The following FGF14 variants were observed in gnomAD, a reference collection of about 807,000 sequenced individuals.
FGF14 encodes the protein fibroblast growth factor homologous factor 4.
FGF14 carries 5 observed loss-of-function variants against 25.5 expected under a neutral mutation model. That is an observed-to-expected ratio of 0.20 (90% CI 0.10 to 0.41). FGF14 has a LOEUF of 0.41. Among genes scored for constraint, FGF14 ranks in the 10% least tolerant of loss-of-function variants. The pLI is 1.00. For missense variants in FGF14, 222 were observed against 320.1 expected (o/e 0.69, Z 2.34); for synonymous variants, 138 against 118.3 (o/e 1.17, Z -1.08).
At chr13:101,786,765 C>T (rs1369529592) in intron 3 of FGF14, among the ~76,000 whole-genome samples, 1 of 152,170 alleles carries the variant, frequency 6.6e-6, no homozygotes, top group South Asian at 2.1e-4. Flanking sequence ...CAGAATTCAA[C>T]CCATAAAGCT....
intron 1 of FGF14, among the ~76,000 whole-genome samples, chr13:102,121,736 C>T (rs2045737237): frequency 6.6e-6 from 1 of 152,072 alleles, no homozygotes; most frequent in Non-Finnish European, 1.5e-5. Flanking sequence ...AAATTGAGGA[C>T]GGGAATGTCA....
At chr13:101,954,804 A>G (rs141863337) in intron 1 of FGF14, among the ~76,000 whole-genome samples, 1 of 152,350 alleles carries the variant, frequency 6.6e-6, no homozygotes, top group East Asian at 1.9e-4. Flanking sequence ...AAGTTCTAGC[A>G]GCTATGAGAA....
intron 1 of FGF14, chr13:102,366,369 GAATTAT>G (rs1018319331): frequency 6.6e-6 from 1 of 152,118 alleles, no homozygotes; most frequent in African/African-American, 2.4e-5. Flanking sequence ...TCAAGATGCT[GAATTAT>G]AATATTCCTT....
At chr13:102,047,286 A>G (rs1324662219) in intron 1 of FGF14, among the ~76,000 whole-genome samples, 1 of 152,152 alleles carries the variant, frequency 6.6e-6, no homozygotes, top group African/African-American at 2.4e-5. Flanking sequence ...ACACATACAT[A>G]CATCTTGGCA....
At chr13:102,158,601 C>T (rs1314363955) in intron 1 of FGF14, among the ~76,000 whole-genome samples, 3 of 151,550 alleles carry the variant, frequency 2.0e-5, no homozygotes, top group Non-Finnish European at 2.9e-5. Context: ...AGCACACCAA[C>T]GTGGCACATG....
chr13:101,824,737 G>A (rs552049781), intron 3 of FGF14, among the ~76,000 whole-genome samples: 14 of 152,248 alleles, frequency 9.2e-5, no homozygotes, highest in African/African-American at 3.4e-4. Context: ...AACCGACCAC[G>A]TGATTTGAGG....
rs147454305 is a variant in FGF14 at position 102,008,708 on chromosome 13, T to C, written c.209-133412A>G. ...ATATGAATATGGATGTAAATGTTCATGTTTTCCAGGATGTGAGCAGCTGTT... is the reference window on the plus strand; with the variant it reads ...ATATGAATATGGATGTAAATGTTCACGTTTTCCAGGATGTGAGCAGCTGTT... On this transcript the variant is annotated intron_variant, in intron 1 of 4. Coordinates refer to the FGF14 transcript ENST00000376131. Among the ~76,000 whole-genome samples, 53 of 152,288 alleles carry C rather than the reference T, an allele frequency of 3.5e-4. 1 individual carries two copies. The East Asian group carries it at 9.5e-3, about 27-fold the overall frequency.
rs570814765 is a variant in FGF14, at chr13:102,058,154, A to G, written c.209-182858T>C. Among the ~76,000 whole-genome samples the G allele has an allele frequency of 5.3e-5, 8 of 152,370 alleles. No homozygotes were observed. In the South Asian group the frequency reaches 1.7e-3, roughly 32 times the overall value. On this transcript the variant is annotated intron_variant, in intron 1 of 4. Transcript: ENST00000376131. Reference sequence around the variant, plus strand: ...GAGAAGCTAAGGCTTTGTGACAGCCACAGCCACCACAACATGTCTCCTGCT... The same window carrying G: ...GAGAAGCTAAGGCTTTGTGACAGCCGCAGCCACCACAACATGTCTCCTGCT...
At chr13:102,185,230 T>C (rs574683880) in intron 1 of FGF14, among the ~76,000 whole-genome samples, 26 of 152,044 alleles carry the variant, frequency 1.7e-4, no homozygotes, top group Non-Finnish European at 3.2e-4. Flanking sequence ...ATAATCATCA[T>C]AATAAGAAAA....
At chr13:102,091,471 C>G (rs953526839) in intron 1 of FGF14, among the ~76,000 whole-genome samples, 2 of 152,140 alleles carry the variant, frequency 1.3e-5, no homozygotes, top group Non-Finnish European at 2.9e-5. Flanking sequence ...CCCCCACCAA[C>G]AGCAGAGCCT....
At chr13:102,307,700 T>C (rs545109368) in intron 1 of FGF14, among the ~76,000 whole-genome samples, 45 of 152,300 alleles carry the variant, frequency 3.0e-4, no homozygotes, top group African/African-American at 1.1e-3. Context: ...CATTTTCATG[T>C]ATTAATTCAT....
At chr13:101,929,874 A>AT (rs1422826706) in intron 1 of FGF14, among the ~76,000 whole-genome samples, 1 of 152,218 alleles carries the variant, frequency 6.6e-6, no homozygotes, top group African/African-American at 2.4e-5. Flanking sequence ...CACAAGGAGC[A>AT]TGTGCAACTT....
intron 1 of FGF14, among the ~76,000 whole-genome samples, chr13:102,372,044 T>C (rs1441629351): frequency 2.6e-5 from 4 of 152,200 alleles, no homozygotes; most frequent in African/African-American, 4.8e-5. Context: ...TGGATCATCG[T>C]CTACTTTTCT....
At chr13:102,163,630 G>T (rs565384971) in intron 1 of FGF14, among the ~76,000 whole-genome samples, 2 of 152,106 alleles carry the variant, frequency 1.3e-5, no homozygotes, top group Non-Finnish European at 2.9e-5. Context: ...TGGTTATCAG[G>T]GACCAGTATT....
chr13:102,063,342 A>G (rs1180673669), intron 1 of FGF14, among the ~76,000 whole-genome samples: 3 of 152,186 alleles, frequency 2.0e-5, no homozygotes, highest in Admixed American at 6.5e-5. Flanking sequence ...TGTGTTATAA[A>G]TTGGTAATGC....
At chr13:102,306,995 A>G (rs984841410) in intron 1 of FGF14, among the ~76,000 whole-genome samples, 2 of 152,112 alleles carry the variant, frequency 1.3e-5, no homozygotes, top group African/African-American at 4.8e-5. Context: ...GACCCAGGGC[A>G]TTTCTCTGGG....
chr13:102,086,473 T>C (rs1300956342), intron 1 of FGF14, among the ~76,000 whole-genome samples: 1 of 151,820 alleles, frequency 6.6e-6, no homozygotes, highest in Non-Finnish European at 1.5e-5. Flanking sequence ...GAGCTTGCAG[T>C]GAGCCGAGAT....
At chr13:102,235,053 A>C (rs1326762443) in intron 1 of FGF14, among the ~76,000 whole-genome samples, 1 of 152,230 alleles carries the variant, frequency 6.6e-6, no homozygotes, top group Admixed American at 6.5e-5. Context: ...TTGTCTGGCC[A>C]AACCAATGTA....
At chr13:102,137,703 T>C (rs2046472079) in intron 1 of FGF14, among the ~76,000 whole-genome samples, 1 of 152,142 alleles carries the variant, frequency 6.6e-6, no homozygotes, top group African/African-American at 2.4e-5. Context: ...TCATGACACA[T>C]CAGTACCCTT....
Sources: gnomAD v4.1 joint callset for allele counts (sites outside exome capture counted in the v4.1 genomes callset) on GRCh38, gnomAD v4.1.1 for gene constraint, MANE v1.5 for transcripts, NCBI Gene and HGNC (gene_info 2026-07-23, HGNC 2026-07-21) for gene names.